Variants in UNC79 observed in about 807,000 individuals in gnomAD.
UNC79 encodes protein unc-79 homolog.
Under a neutral mutation model 283.1 loss-of-function variants are expected in UNC79, and 37 were observed. The observed-to-expected ratio is 0.13, with a 90% CI of 0.10 to 0.17. The LOEUF is 0.17. Among genes scored for constraint, UNC79 ranks in the 10% least tolerant of loss-of-function variants. UNC79 has a pLI of 1.00. For missense variants in UNC79, 2,272 were observed against 3,211.1 expected, an observed-to-expected ratio of 0.71 and a Z score of 7.07; for synonymous variants, 1,107 against 1,200.2, an observed-to-expected ratio of 0.92 and a Z score of 1.61.
chr14:93,648,481 G>A (rs1248936482), intron 35 of UNC79, among the ~76,000 whole-genome samples: 1 of 152,096 alleles, frequency 6.6e-6, no homozygotes, highest in Non-Finnish European at 1.5e-5. Context: ...TTTTGAAGTA[G>A]AGCCAACAGA....
At chr14:93,604,799 C>A in intron 26 of UNC79, 97 bp from the exon 27 acceptor site, 1 of 1,209,110 alleles carries the variant, frequency 8.3e-7, no homozygotes. Context: ...AAAATGAAAC[C>A]TGCCCCTACT....
chr14:93,355,210 C>T (rs560409117), intron 1 of UNC79, among the ~76,000 whole-genome samples: 1 of 151,252 alleles, frequency 6.6e-6, no homozygotes, highest in South Asian at 2.1e-4. Flanking sequence ...TTTTTTCCCC[C>T]TGAGACAGAG....
rs1217735992 is a variant in UNC79 at position 93,474,573 on chromosome 14, T to G, written c.448+180T>G. ...CTTCCCATACTATTATTTTACACTG[T>G]TTTATTGCCAGAGGGATGTTATCCA... On this transcript the variant is annotated intron_variant, in intron 3 of 48. Coordinates refer to ENST00000555664, the Ensembl canonical transcript of UNC79. The surrounding 1 kb of genome is among the most constrained non-coding windows in gnomAD (Gnocchi z 4.1). Among the ~76,000 whole-genome samples the G allele has an allele frequency of 1.3e-5, 2 of 152,312 alleles. No homozygotes were observed. Among genetic ancestry groups the G allele is most frequent in the East Asian group, 3.9e-4 (2 of 5,192 alleles).
At chr14:93,524,139 C>A in intron 8 of UNC79, 97 bp downstream of exon 8, 1 of 1,331,286 alleles carries the variant, frequency 7.5e-7, no homozygotes, top group Non-Finnish European at 1.1e-6. Flanking sequence ...AAAGCAGAGG[C>A]ATGTCCTCTG....
At chr14:93,611,217 G>A (rs117349325) in intron 26 of UNC79, among the ~76,000 whole-genome samples, 2,124 of 152,258 alleles carry the variant, frequency 0.014, 25 homozygotes, top group Middle Eastern at 0.027. Context: ...TCTCTAAAGT[G>A]CGTCATACAT....
chr14:93,555,111 G>A (rs2062094921), intron 14 of UNC79, among the ~76,000 whole-genome samples: 1 of 152,262 alleles, frequency 6.6e-6, no homozygotes, highest in South Asian at 2.1e-4. Flanking sequence ...GCCTAATTTA[G>A]ACTGAATGCC....
intron 7 of UNC79, among the ~76,000 whole-genome samples, chr14:93,502,871 A>G (rs151070057): frequency 3.9e-5 from 6 of 152,360 alleles, no homozygotes; most frequent in African/African-American, 1.4e-4. Context: ...ACATCAGTAC[A>G]TTGGATTTTT....
intron 16 of UNC79, among the ~76,000 whole-genome samples, chr14:93,573,104 C>T (rs532195427): frequency 2.6e-5 from 4 of 152,250 alleles, no homozygotes; most frequent in African/African-American, 9.6e-5. Flanking sequence ...AGTACAATAG[C>T]TGTCTTGTGG....
chr14:93,686,491 A>G, intron 42 of UNC79, 81 bp from the exon 46 acceptor site: 1 of 1,465,922 alleles, frequency 6.8e-7, no homozygotes, highest in Non-Finnish European at 9.5e-7. Flanking sequence ...TCCTTAGTAA[A>G]CAACGTGAAA....
At chr14:93,597,084 A>G (rs1367695449) in intron 23 of UNC79, among the ~76,000 whole-genome samples, 1 of 152,236 alleles carries the variant, frequency 6.6e-6, no homozygotes, top group African/African-American at 2.4e-5. Flanking sequence ...AGACCATGAA[A>G]AAATTGTAAA....
At chr14:93,623,966 A>G (rs1041332765) in intron 30 of UNC79, among the ~76,000 whole-genome samples, 4 of 152,234 alleles carry the variant, frequency 2.6e-5, no homozygotes, top group African/African-American at 9.6e-5. Context: ...TTATTTTAGT[A>G]GATATATAGA....
At chr14:93,479,503 G>A (rs530075617) in intron 4 of UNC79, among the ~76,000 whole-genome samples, 1 of 151,706 alleles carries the variant, frequency 6.6e-6, no homozygotes, top group Non-Finnish European at 1.5e-5. Context: ...TTGCCATGTT[G>A]GCCAGGCTGG....
chr14:93,403,872 CTTTT>C (rs35901461), intron 1 of UNC79, among the ~76,000 whole-genome samples: 2 of 137,744 alleles, frequency 1.5e-5, no homozygotes, highest in Non-Finnish European at 1.6e-5. Context: ...GAGCTAGACT[CTTTT>C]TTTTTTTTTT....
At chr14:93,700,352 A>G (rs1358026358) in intron 47 of UNC79, among the ~76,000 whole-genome samples, 1 of 152,068 alleles carries the variant, frequency 6.6e-6, no homozygotes, top group East Asian at 1.9e-4. Context: ...TGTTTCTTCA[A>G]ATATTTTATT....
chr14:93,425,882 T>G (rs2055715337), upstream of UNC79, among the ~76,000 whole-genome samples: 1 of 152,138 alleles, frequency 6.6e-6, no homozygotes, highest in African/African-American at 2.4e-5. Flanking sequence ...AACTCTTCAG[T>G]AAAAGACTCC....
intron 1 of UNC79, among the ~76,000 whole-genome samples, chr14:93,391,683 C>T (rs2054886693): frequency 6.6e-6 from 1 of 152,156 alleles, no homozygotes; most frequent in Non-Finnish European, 1.5e-5. Context: ...CCCACCTGGG[C>T]CTCCCAAATT....
At chr14:93,367,018 A>T (rs1351995238) in intron 1 of UNC79, among the ~76,000 whole-genome samples, 1 of 152,122 alleles carries the variant, frequency 6.6e-6, no homozygotes, top group Non-Finnish European at 1.5e-5. Flanking sequence ...TTTCACAGAC[A>T]TCTATTTTTT....
At chr14:93,457,903 T>C (rs1320593443) in intron 1 of UNC79, among the ~76,000 whole-genome samples, 1 of 152,124 alleles carries the variant, frequency 6.6e-6, no homozygotes, top group Admixed American at 6.5e-5. Context: ...ACATGAAGGA[T>C]GTAAAAATAG....
chr14:93,588,835 G>T (rs1170031228), intron 22 of UNC79, among the ~76,000 whole-genome samples: 1 of 151,568 alleles, frequency 6.6e-6, no homozygotes, highest in Non-Finnish European at 1.5e-5. Context: ...GTTAGTGGGT[G>T]CAAGTTCTGG....
Sources: allele counts gnomAD v4.1 joint callset (sites outside exome capture counted in the v4.1 genomes callset), GRCh38; gene constraint gnomAD v4.1.1; non-coding constraint Gnocchi (gnomAD v3.1); transcripts MANE v1.5; gene names NCBI Gene and HGNC (gene_info 2026-07-23, HGNC 2026-07-21).